CNTNAP2: variants seen among roughly 807,000 people sequenced by gnomAD.
CNTNAP2 encodes contactin associated protein 2.
Under a neutral mutation model 155.2 loss-of-function variants are expected in CNTNAP2, and 98 were observed. The ratio of observed to expected loss-of-function variants is 0.63; its 90% CI spans 0.54 to 0.75. The LOEUF (loss-of-function observed/expected upper bound fraction) is 0.75, where lower values mean the gene tolerates loss of function less well. Ranked by LOEUF, CNTNAP2 falls within the 30% of genes least tolerant of loss-of-function variation. The pLI is 0.00. For missense variants in CNTNAP2, 1,727 were observed against 1,688.1 expected (o/e 1.02, Z -0.40); for synonymous variants, 651 against 631.2 (o/e 1.03, Z -0.47).
At chr7:147,668,652 TTAAGG>T (rs542127671) in intron 13 of CNTNAP2, among the ~76,000 whole-genome samples, 92 of 152,254 alleles carry the variant, frequency 6.0e-4, no homozygotes, top group Non-Finnish European at 1.1e-3. Flanking sequence ...TTTAAAAATC[TTAAGG>T]TAAGGATATA....
chr7:148,158,198 G>A (rs1484357906), intron 17 of CNTNAP2, among the ~76,000 whole-genome samples: 6 of 142,500 alleles, frequency 4.2e-5, no homozygotes, highest in African/African-American at 1.6e-4. Context: ...TAGGAAGTGA[G>A]TGATGATAGG....
chr7:146,754,536 C>CTG (rs1801959788), intron 1 of CNTNAP2, among the ~76,000 whole-genome samples: 1 of 132,440 alleles, frequency 7.6e-6, no homozygotes, highest in Non-Finnish European at 1.6e-5. Context: ...TTGTTAGAGT[C>CTG]TCTCTCTCTC....
chr7:148,388,436 T>C (rs1238444625), intron 22 of CNTNAP2, among the ~76,000 whole-genome samples: 2 of 151,920 alleles, frequency 1.3e-5, no homozygotes, highest in African/African-American at 4.8e-5. Flanking sequence ...AGAATGATGA[T>C]TTCCAATTTC....
chr7:146,911,863 T>G (rs1796290404), intron 3 of CNTNAP2, among the ~76,000 whole-genome samples: 1 of 152,070 alleles, frequency 6.6e-6, no homozygotes, highest in Non-Finnish European at 1.5e-5. Flanking sequence ...ATTATAACCA[T>G]TATATATAAT....
chr7:146,839,781 G>A lies in CNTNAP2; in HGVS notation c.279G>A (p.Lys93=). 2 of 1,614,180 alleles carry A rather than the reference G, an allele frequency of 1.2e-6. No homozygotes were observed. The highest frequency in any genetic ancestry group is 1.7e-6 in the Non-Finnish European group (2 of 1,180,032). The change falls in exon 3 of 24, where the codon AAG becomes AAA. Residue 93 remains lysine (K), a synonymous_variant. Transcript: ENST00000361727. ...TTCAGGTTGACTTTGGCAATCGGAA[G>A]CAGATCAGTGCCATTGCAACCCAAG... ...QWLQVDFGNR[K]QISAIATQGR...
intron 21 of CNTNAP2, among the ~76,000 whole-genome samples, chr7:148,356,639 T>C (rs1317867570): frequency 6.6e-6 from 1 of 152,204 alleles, no homozygotes; most frequent in South Asian, 2.1e-4. Context: ...TGTATTTTCC[T>C]GACATTTGTC....
intron 1 of CNTNAP2, among the ~76,000 whole-genome samples, chr7:146,133,437 T>G (rs1284496040): frequency 3.3e-5 from 5 of 152,200 alleles, no homozygotes; most frequent in Non-Finnish European, 7.3e-5. Context: ...ATTTGTCAAT[T>G]TTGGCTTTTG....
intron 21 of CNTNAP2, among the ~76,000 whole-genome samples, chr7:148,352,300 T>C (rs983765100): frequency 6.6e-6 from 1 of 152,180 alleles, no homozygotes; most frequent in African/African-American, 2.4e-5. Context: ...GAAGCTGTGA[T>C]CTTAAGGAGC....
At chr7:146,605,399 A>T (rs539527750) in intron 1 of CNTNAP2, among the ~76,000 whole-genome samples, 2 of 151,496 alleles carry the variant, frequency 1.3e-5, no homozygotes, top group Admixed American at 1.3e-4. Flanking sequence ...TTACTCTGGA[A>T]GCCAAATTCT....
intron 1 of CNTNAP2, among the ~76,000 whole-genome samples, chr7:146,244,028 T>C (rs1020674619): frequency 2.6e-5 from 4 of 151,988 alleles, no homozygotes; most frequent in African/African-American, 9.7e-5. Context: ...GTGGGGTTGT[T>C]AGAAGGAACA....
intron 1 of CNTNAP2, among the ~76,000 whole-genome samples, chr7:146,493,877 T>C (rs1208856986): frequency 6.6e-6 from 1 of 152,036 alleles, no homozygotes; most frequent in African/African-American, 2.4e-5. Context: ...AAAAGAAAAA[T>C]GCTTTGTATG....
intron 1 of CNTNAP2, among the ~76,000 whole-genome samples, chr7:146,493,203 G>C (rs189023014): frequency 5.7e-4 from 86 of 152,200 alleles, no homozygotes; most frequent in African/African-American, 1.9e-3. Flanking sequence ...AGTCAAAATT[G>C]ATTTTAGCAA....
At chr7:148,128,149 G>A (rs889787004) in intron 16 of CNTNAP2, among the ~76,000 whole-genome samples, 9 of 152,128 alleles carry the variant, frequency 5.9e-5, no homozygotes, top group Non-Finnish European at 8.8e-5. Flanking sequence ...GATTACAATC[G>A]TCAGCCACCA....
At chr7:148,028,913 G>A (rs544916732) in intron 15 of CNTNAP2, among the ~76,000 whole-genome samples, 9 of 152,252 alleles carry the variant, frequency 5.9e-5, no homozygotes, top group African/African-American at 2.2e-4. Flanking sequence ...TTTCAGATTT[G>A]GGGGAAGAGA....
intron 15 of CNTNAP2, among the ~76,000 whole-genome samples, chr7:148,061,876 GATAT>G (rs749579833): frequency 1.0e-5 from 1 of 97,874 alleles, no homozygotes; most frequent in Non-Finnish European, 2.0e-5. Flanking sequence ...TAGATAAACA[GATAT>G]AGATAGATAG....
At chr7:146,829,347 C>G (rs1172562673) in intron 2 of CNTNAP2, among the ~76,000 whole-genome samples, 1 of 151,840 alleles carries the variant, frequency 6.6e-6, no homozygotes, top group Non-Finnish European at 1.5e-5. Flanking sequence ...AAAAAAAGTT[C>G]TAATAACTTT....
intron 9 of CNTNAP2, among the ~76,000 whole-genome samples, chr7:147,389,999 G>A (rs890613400): frequency 3.3e-5 from 5 of 152,054 alleles, no homozygotes; most frequent in Non-Finnish European, 4.4e-5. Flanking sequence ...ATCTAAGTAG[G>A]TTAAATCCTG....
chr7:147,412,766 G>A (rs1291010869), intron 10 of CNTNAP2, among the ~76,000 whole-genome samples: 2 of 152,178 alleles, frequency 1.3e-5, no homozygotes, highest in African/African-American at 4.8e-5. Context: ...GTCCTTCCAG[G>A]ACAGAAAGGC....
chr7:147,902,132 G>A (rs545864295), intron 13 of CNTNAP2, among the ~76,000 whole-genome samples: 154 of 152,138 alleles, frequency 1.0e-3, no homozygotes, highest in Non-Finnish European at 1.8e-3. Context: ...CGGACTGACC[G>A]CAACTTGGCT....
Sources: allele counts gnomAD v4.1 joint callset (sites outside exome capture counted in the v4.1 genomes callset), GRCh38; gene constraint gnomAD v4.1.1; transcripts MANE v1.5; gene names NCBI Gene and HGNC (gene_info 2026-07-23, HGNC 2026-07-21).